Variants in EML1 observed in about 807,000 individuals in gnomAD.
EML1 encodes the protein EMAP like 1.
A neutral mutation model predicts 110.4 loss-of-function variants in EML1; 27 were observed. The observed-to-expected ratio is 0.24, with a 90% confidence interval of 0.18 to 0.34. The LOEUF is 0.34. Among genes scored for constraint, EML1 ranks in the 10% least tolerant of loss-of-function variants. The probability of loss-of-function intolerance (pLI) is 1.00; values close to 1 mark genes in which losing one functional copy is unlikely to be tolerated. For missense variants in EML1, 741 were observed against 1,030.9 expected, an observed-to-expected ratio of 0.72 and a Z score of 3.85; for synonymous variants, 344 against 385.8, an observed-to-expected ratio of 0.89 and a Z score of 1.27.
At chr14:99,875,331 T>G (rs1053133049) in intron 3 of EML1, among the ~76,000 whole-genome samples, 6 of 152,144 alleles carry the variant, frequency 3.9e-5, no homozygotes, top group Non-Finnish European at 7.4e-5. Flanking sequence ...AGGATAATGA[T>G]ATTGCTGCAG....
rs549606913 is a variant in EML1 at position 99,743,923 on chromosome 14, T to A, written c.28+6063T>A. ...AAAAGCTTTAAAATAAAAAAACAGC[T>A]AATGGTTGCAAATGCTAACAGCTTT... On this transcript the variant is annotated intron_variant, in intron 1 of 10. Coordinates refer to the EML1 transcript ENST00000554479. Among the ~76,000 whole-genome samples the A allele has an allele frequency of 3.9e-5, 6 of 152,370 alleles. No homozygotes were observed. The East Asian group carries it at 1.2e-3, about 29-fold the overall frequency.
intron 1 of EML1, among the ~76,000 whole-genome samples, chr14:99,759,452 C>A (rs2057290778): frequency 1.3e-5 from 2 of 152,260 alleles, no homozygotes; most frequent in African/African-American, 4.8e-5. Flanking sequence ...GCCTGGAGGG[C>A]AGCCCCGGGC....
rs534768675 is a variant in EML1, at chr14:99,940,917, C to T, written c.*805C>T. ...TTACTTGGCATGAGATGATATTGTA[C>T]TTGTATAGGATTCTAGCAATTCATA... is the stretch of plus-strand genomic sequence containing the variant. On this transcript the variant is annotated 3_prime_UTR_variant, in exon 22 of 22. Coordinates refer to ENST00000262233, the MANE Select transcript of EML1 (RefSeq NM_004434.3). 10 of 152,306 alleles carry T rather than the reference C, an allele frequency of 6.6e-5. No individual in the cohort carries two copies. The highest frequency in any genetic ancestry group is 3.3e-4 in the Admixed American group (5 of 15,294). The allele number at this position is 152,306 out of a possible 1,614,324, so 9.4% of individuals were successfully genotyped here. A position where few individuals can be genotyped will look rare whatever the true frequency, so the allele number is the denominator to read the frequency against.
rs1281309799 is a variant in EML1, at chr14:99,939,566, G to A, written c.2322+239G>A. 1.3e-5 allele frequency among the ~76,000 whole-genome samples: 2 copies of A among 152,010 alleles called. No individual in the cohort carries two copies. The highest frequency in any genetic ancestry group is 4.8e-5 in the African/African-American group (2 of 41,382). On this transcript the variant is annotated intron_variant, in intron 21 of 21. Coordinates refer to ENST00000262233, the MANE Select transcript of EML1 (RefSeq NM_004434.3). This position sits in a 1 kb window ranked among gnomAD's most constrained non-coding sequence, Gnocchi z 4.2. ...CACCTCTGCAGCCCCACAGGCTCAC[G>A]ACCCCGCCCTCCCCCACGGCTCCCT...
At chr14:99,926,003 C>T (rs1384693019) in intron 17 of EML1, among the ~76,000 whole-genome samples, 1 of 152,194 alleles carries the variant, frequency 6.6e-6, no homozygotes, top group Non-Finnish European at 1.5e-5. Flanking sequence ...CCTGTTCTTC[C>T]CTGCCAGGAC....
intron 1 of EML1, among the ~76,000 whole-genome samples, chr14:99,849,740 GT>G (rs1258816040): frequency 4.0e-5 from 6 of 151,744 alleles, no homozygotes; most frequent in Admixed American, 2.6e-4. Context: ...TAGAGATGGG[GT>G]TTCACCCTAT....
chr14:99,871,267 T>C (rs753343408), intron 3 of EML1, among the ~76,000 whole-genome samples: 11 of 152,194 alleles, frequency 7.2e-5, no homozygotes, highest in Non-Finnish European at 1.6e-4. Flanking sequence ...AGGCATTTGC[T>C]GCCATTGATA....
intron 3 of EML1, among the ~76,000 whole-genome samples, chr14:99,872,531 A>C (rs1210312111): frequency 6.6e-6 from 1 of 152,196 alleles, no homozygotes; most frequent in Non-Finnish European, 1.5e-5. Flanking sequence ...CTAGAAATAC[A>C]TATTTTTCTA....
chr14:99,765,073 G>A (rs1015770279), intron 1 of EML1, among the ~76,000 whole-genome samples: 2 of 151,954 alleles, frequency 1.3e-5, no homozygotes, highest in Non-Finnish European at 2.9e-5. Flanking sequence ...GAGTAGCCAG[G>A]ACCACAGGCG....
chr14:99,933,217 C>T (rs1427691421), intron 17 of EML1, among the ~76,000 whole-genome samples: 3 of 152,120 alleles, frequency 2.0e-5, no homozygotes, highest in Non-Finnish European at 4.4e-5. Flanking sequence ...GCTCTGTCGC[C>T]CAGGCTAGAG....
At chr14:99,888,927 A>G (rs1313673757) in intron 4 of EML1, among the ~76,000 whole-genome samples, 1 of 152,116 alleles carries the variant, frequency 6.6e-6, no homozygotes, top group Non-Finnish European at 1.5e-5. Context: ...CTCTGGGCAC[A>G]CGAGAACCCT....
At chr14:99,880,556 A>C (rs141161440) in intron 4 of EML1, among the ~76,000 whole-genome samples, 1 of 152,254 alleles carries the variant, frequency 6.6e-6, no homozygotes, top group East Asian at 1.9e-4. Flanking sequence ...TTCTGTTTTT[A>C]AACATTACTG....
At chr14:99,786,939 T>C (rs895938280) in intron 1 of EML1, among the ~76,000 whole-genome samples, 4 of 152,092 alleles carry the variant, frequency 2.6e-5, no homozygotes, top group African/African-American at 4.8e-5. Context: ...GGAGATGAAA[T>C]TGACCAGACA....
At chr14:99,779,662 C>T (rs1212878591) in intron 1 of EML1, among the ~76,000 whole-genome samples, 2 of 152,226 alleles carry the variant, frequency 1.3e-5, no homozygotes, top group Admixed American at 1.3e-4. Flanking sequence ...AAAAAAGGTC[C>T]TTCCACACTT....
Position 99,910,439 on chromosome 14 carries a change from G to A in EML1, c.1339+98G>A, listed in dbSNP as rs2180993. ...AATTGTCTATTAATACAACGTACAGGAGTAGGATGAAATTTCAAGTTACAG... is the reference window on the plus strand; with the variant it reads ...AATTGTCTATTAATACAACGTACAGAAGTAGGATGAAATTTCAAGTTACAG... On this transcript the variant is annotated intron_variant, in intron 12 of 21. Coordinates refer to ENST00000262233, the MANE Select transcript of EML1 (RefSeq NM_004434.3). 7.6e-6 allele frequency: 7 copies of A among 924,228 alleles called. No individual in the cohort carries two copies. The East Asian group carries it at 1.8e-4, about 24-fold the overall frequency. The allele number at this position is 924,228 out of a possible 1,614,324, so 57.3% of individuals were successfully genotyped here.
chr14:99,880,745 T>C (rs900599487), intron 4 of EML1, among the ~76,000 whole-genome samples: 3 of 152,220 alleles, frequency 2.0e-5, no homozygotes, highest in Non-Finnish European at 4.4e-5. Flanking sequence ...TGTATCCAGT[T>C]CTGCCTTAAT....
upstream of EML1, among the ~76,000 whole-genome samples, chr14:99,789,555 C>T (rs1337519819): frequency 6.6e-6 from 1 of 152,194 alleles, no homozygotes; most frequent in Non-Finnish European, 1.5e-5. Context: ...TAATTGACTT[C>T]ACGGCTACCT....
chr14:99,747,913 A>G (rs2057130925), intron 1 of EML1, among the ~76,000 whole-genome samples: 1 of 152,116 alleles, frequency 6.6e-6, no homozygotes, highest in South Asian at 2.1e-4. Context: ...TTTTCTTTCC[A>G]TCTTGAAACA....
chr14:99,801,337 C>G (rs538854449), intron 1 of EML1, among the ~76,000 whole-genome samples: 5 of 152,102 alleles, frequency 3.3e-5, no homozygotes, highest in African/African-American at 7.2e-5. Context: ...AGTAATTGGC[C>G]GGGCACGGTG....
Sources: allele counts gnomAD v4.1 joint callset (sites outside exome capture counted in the v4.1 genomes callset), GRCh38; gene constraint gnomAD v4.1.1; non-coding constraint Gnocchi (gnomAD v3.1); transcripts MANE v1.5; gene names NCBI Gene and HGNC (gene_info 2026-07-23, HGNC 2026-07-21).